Variants in WWTR1 observed in about 807,000 individuals in gnomAD.
WWTR1 encodes WW domain-containing transcription regulator protein 1.
WWTR1 carries 13 observed loss-of-function variants against 40.1 expected under a neutral mutation model. The observed-to-expected ratio is 0.32, with a 90% CI of 0.21 to 0.52. The LOEUF (loss-of-function observed/expected upper bound fraction) is 0.52. Ranked by LOEUF, WWTR1 falls within the 20% of genes least tolerant of loss-of-function variation. The pLI, the probability that WWTR1 is intolerant of heterozygous loss-of-function variation, is 0.97. For synonymous variants in WWTR1, 230 were observed against 210.1 expected, an observed-to-expected ratio of 1.09 and a Z score of -0.82; for missense variants, 436 against 523.1, an observed-to-expected ratio of 0.83 and a Z score of 1.63.
intron 2 of WWTR1, among the ~76,000 whole-genome samples, chr3:149,581,346 T>TAA (rs373655086): frequency 4.9e-5 from 7 of 141,584 alleles, no homozygotes; most frequent in African/African-American, 1.8e-4. Flanking sequence ...CCAAAGCTAT[T>TAA]AAAAAAAAAA....
intron 2 of WWTR1, among the ~76,000 whole-genome samples, chr3:149,663,626 G>A (rs570910060): frequency 6.6e-6 from 1 of 152,064 alleles, no homozygotes; most frequent in African/African-American, 2.4e-5. Flanking sequence ...AACCCAGGAG[G>A]CGGAGGCTGC....
At chr3:149,561,978 C>T (rs538519568) in intron 3 of WWTR1, among the ~76,000 whole-genome samples, 1 of 151,962 alleles carries the variant, frequency 6.6e-6, no homozygotes, top group Admixed American at 6.6e-5. Context: ...CTAATTAAAA[C>T]AACTCATCAA....
chr3:149,626,022 C>T (rs1740528935), intron 2 of WWTR1, among the ~76,000 whole-genome samples: 2 of 152,236 alleles, frequency 1.3e-5, no homozygotes, highest in South Asian at 4.1e-4. Context: ...ATAAACCATT[C>T]TTAGCAATGA....
intron 4 of WWTR1, among the ~76,000 whole-genome samples, chr3:149,529,866 A>G (rs1278004175): frequency 6.6e-6 from 1 of 152,196 alleles, no homozygotes; most frequent in Non-Finnish European, 1.5e-5. Context: ...TATTAACCAT[A>G]AATGCAAGAA....
chr3:149,628,477 T>C (rs2108102388), intron 2 of WWTR1, among the ~76,000 whole-genome samples: 1 of 152,346 alleles, frequency 6.6e-6, no homozygotes, highest in African/African-American at 2.4e-5. Context: ...AGGAAACAGC[T>C]GCCACTGAAG....
chr3:149,540,130 A>G (rs560613247), intron 4 of WWTR1: 9 of 449,682 alleles, frequency 2.0e-5, no homozygotes, highest in Admixed American at 9.5e-5. Flanking sequence ...ACACAGAGTC[A>G]AGGCTGAACT....
intron 2 of WWTR1, among the ~76,000 whole-genome samples, chr3:149,611,578 C>T (rs756154055): frequency 1.3e-5 from 2 of 152,140 alleles, no homozygotes; most frequent in African/African-American, 2.4e-5. Flanking sequence ...GTTTTGATTA[C>T]TCAACGTTTC....
intron 3 of WWTR1, among the ~76,000 whole-genome samples, chr3:149,564,060 T>C (rs1453682332): frequency 6.6e-6 from 1 of 152,194 alleles, no homozygotes; most frequent in Non-Finnish European, 1.5e-5. Context: ...GGCCTTAACA[T>C]ACACAATTTG....
At chr3:149,657,725 A>G (rs1452478645) in intron 1 of WWTR1, 40 bp downstream of exon 1, 4 of 170,476 alleles carry the variant, frequency 2.3e-5, no homozygotes, top group Non-Finnish European at 3.7e-5. Context: ...GGAGCCCTGG[A>G]GTGGTGCCGG....
intron 3 of WWTR1, among the ~76,000 whole-genome samples, chr3:149,562,293 T>C (rs1401052368): frequency 7.6e-6 from 1 of 131,102 alleles, no homozygotes; most frequent in African/African-American, 3.6e-5. Context: ...AGATTCTGTC[T>C]CAAAAAAAAA....
chr3:149,582,335 G>A (rs1181991765), intron 2 of WWTR1, among the ~76,000 whole-genome samples: 1 of 151,680 alleles, frequency 6.6e-6, no homozygotes, highest in East Asian at 1.9e-4. Flanking sequence ...TTTGGGCCAA[G>A]AGCCATATTA....
chr3:149,635,573 G>A (rs565241217), intron 2 of WWTR1, among the ~76,000 whole-genome samples: 19 of 152,098 alleles, frequency 1.2e-4, no homozygotes, highest in East Asian at 1.2e-3. Context: ...GAAGGAGGAC[G>A]AAGAGGAAGA....
At chr3:149,609,224 C>T (rs900406002) in intron 2 of WWTR1, among the ~76,000 whole-genome samples, 22 of 152,190 alleles carry the variant, frequency 1.4e-4, no homozygotes, top group South Asian at 6.2e-4. Flanking sequence ...GAACACTGGA[C>T]TCCTCAAAGC....
chr3:149,716,849 T>C (rs927909482), intron 5 of WWTR1, among the ~76,000 whole-genome samples: 6 of 151,894 alleles, frequency 4.0e-5, no homozygotes, highest in Non-Finnish European at 8.8e-5. Flanking sequence ...AGAGAAATCA[T>C]AAGAAAAAAA....
At chr3:149,698,018 T>C (rs1348272230) in intron 1 of WWTR1, among the ~76,000 whole-genome samples, 1 of 152,248 alleles carries the variant, frequency 6.6e-6, no homozygotes, top group East Asian at 1.9e-4. Context: ...TGAGCAGCCT[T>C]GCCCACATGG....
chr3:149,650,619 C>T (rs1712808423), intron 2 of WWTR1, among the ~76,000 whole-genome samples: 1 of 151,546 alleles, frequency 6.6e-6, no homozygotes, highest in African/African-American at 2.4e-5. Context: ...TGTCAATTAC[C>T]TTTCCTGCTC....
intron 2 of WWTR1, among the ~76,000 whole-genome samples, chr3:149,635,498 GAGA>G (rs879350488): frequency 3.4e-4 from 50 of 148,970 alleles, no homozygotes; most frequent in South Asian, 1.1e-3. Flanking sequence ...TATATAGAAG[GAGA>G]AGAAGAAGAA....
chr3:149,620,213 G>C (rs189449013), intron 2 of WWTR1, among the ~76,000 whole-genome samples: 5 of 152,262 alleles, frequency 3.3e-5, no homozygotes, highest in South Asian at 4.1e-4. Context: ...CCTCCAAAGA[G>C]GGTTTCAGAC....
intron 2 of WWTR1, among the ~76,000 whole-genome samples, chr3:149,638,330 A>G (rs1409901983): frequency 6.6e-6 from 1 of 152,200 alleles, no homozygotes; most frequent in Non-Finnish European, 1.5e-5. Context: ...AGGCCTGTTT[A>G]TTAACATATT....
Sources: allele counts gnomAD v4.1 joint callset (sites outside exome capture counted in the v4.1 genomes callset), GRCh38; gene constraint gnomAD v4.1.1; transcripts MANE v1.5; gene names NCBI Gene and HGNC (gene_info 2026-07-23, HGNC 2026-07-21).